Variants in CSNK1A1 observed in about 807,000 individuals in gnomAD.
CSNK1A1 encodes the protein casein kinase 1 alpha 1, also known as casein kinase I isoform alpha.
CSNK1A1 carries 7 observed loss-of-function variants against 46.1 expected under a neutral mutation model. The ratio of observed to expected loss-of-function variants is 0.15; its 90% confidence interval spans 0.09 to 0.29. The LOEUF is 0.29. CSNK1A1 is among the 10% of genes least tolerant of loss of function. CSNK1A1 has a pLI of 1.00. For missense variants in CSNK1A1, 96 were observed against 417.1 expected, an observed-to-expected ratio of 0.23 and a Z score of 6.71; for synonymous variants, 137 against 141.5, an observed-to-expected ratio of 0.97 and a Z score of 0.23.
rs2113055669 is a variant in CSNK1A1 at position 149,502,074 on chromosome 5, T to C, written c.1006+3373A>G. On this transcript the variant is annotated intron_variant, in intron 9 of 9. Transcript: ENST00000377843. ...AAGGAAGGCAGAAGTCTGCCTATTA[T>C]TTAATAGGCCCACATTAGCTAGATA... 7 of 983,972 alleles carry C rather than the reference T, an allele frequency of 7.1e-6. 2 individuals are homozygous for C. In the South Asian group the frequency reaches 3.3e-4, roughly 46 times the overall value. 61.0% of individuals were successfully genotyped at this position (983,972 alleles called of 1,614,324 possible). A position where few individuals can be genotyped will look rare whatever the true frequency, so the allele number is the denominator to read the frequency against.
At position 149,494,511 on chromosome 5, in the gene CSNK1A1, G is replaced by C. The variant is rs1232228860; in HGVS notation, c.*2342C>G. 3.9e-5 allele frequency: 6 copies of C among 152,220 alleles called. No individual in the cohort carries two copies. The East Asian group carries it at 1.2e-3, about 29-fold the overall frequency. The allele number at this position is 152,220 out of a possible 1,614,324, so 9.4% of individuals were successfully genotyped here. A position where few individuals can be genotyped will look rare whatever the true frequency, so the allele number is the denominator to read the frequency against. On this transcript the variant is annotated 3_prime_UTR_variant, in exon 10 of 10. Coordinates refer to ENST00000377843, the MANE Select transcript of CSNK1A1 (RefSeq NM_001892.6). Reference sequence around the variant, plus strand: ...TGAGTAAGCCACTGTGGAGCCTTAAGTGGTGAGGTCTTCCAATTTCAGAGT... The same window carrying C: ...TGAGTAAGCCACTGTGGAGCCTTAACTGGTGAGGTCTTCCAATTTCAGAGT...
intron 2 of CSNK1A1, among the ~76,000 whole-genome samples, chr5:149,542,962 T>C (rs1250210964): frequency 6.6e-6 from 1 of 151,830 alleles, no homozygotes; most frequent in Non-Finnish European, 1.5e-5. Flanking sequence ...CCCAAAGTGC[T>C]GGGATTACAG....
intron 3 of CSNK1A1, among the ~76,000 whole-genome samples, chr5:149,523,198 G>A (rs1394929602): frequency 6.6e-6 from 1 of 151,908 alleles, no homozygotes; most frequent in Admixed American, 6.6e-5. Context: ...CAGCCACCAC[G>A]CCTGGCTAAT....
intron 3 of CSNK1A1, among the ~76,000 whole-genome samples, 185 bp from the exon 4 acceptor site, chr5:149,520,573 C>G (rs1004881279): frequency 9.2e-5 from 14 of 152,190 alleles, no homozygotes; most frequent in Non-Finnish European, 1.9e-4. Context: ...CATATACCTG[C>G]TGTGTCCTTT....
chr5:149,498,631 A>T, intron 9 of CSNK1A1: 1 of 985,388 alleles, frequency 1.0e-6, no homozygotes, highest in Non-Finnish European at 1.2e-6. Context: ...TTCCCCCATC[A>T]GGATTTGGTT....
intron 9 of CSNK1A1, chr5:149,504,389 G>A (rs1214823163): frequency 1.0e-6 from 1 of 978,334 alleles, no homozygotes; most frequent in Admixed American, 6.2e-5. Context: ...CACTAAAAAT[G>A]TGAAGCAAAG....
intron 2 of CSNK1A1, among the ~76,000 whole-genome samples, chr5:149,534,080 G>A (rs935035442): frequency 3.9e-5 from 6 of 152,094 alleles, no homozygotes; most frequent in Admixed American, 3.9e-4. Flanking sequence ...CTTTATGTGG[G>A]TAAATTATAT....
At chr5:149,524,520 C>A (rs577440503) in intron 3 of CSNK1A1, among the ~76,000 whole-genome samples, 13 of 152,234 alleles carry the variant, frequency 8.5e-5, no homozygotes, top group African/African-American at 3.1e-4. Context: ...CAATCTAATT[C>A]ATGACATCAC....
At chr5:149,546,665 T>C (rs1477950089) in intron 2 of CSNK1A1, among the ~76,000 whole-genome samples, 5 of 152,068 alleles carry the variant, frequency 3.3e-5, no homozygotes, top group Admixed American at 6.5e-5. Flanking sequence ...TAGGGAATTT[T>C]GTAACAGAAA....
intron 9 of CSNK1A1, among the ~76,000 whole-genome samples, chr5:149,499,917 T>C (rs1760769391): frequency 6.6e-6 from 1 of 151,524 alleles, no homozygotes; most frequent in Admixed American, 6.6e-5. Flanking sequence ...GCTATGTCAT[T>C]TATACTAACT....
intron 2 of CSNK1A1, among the ~76,000 whole-genome samples, chr5:149,540,469 AT>A: frequency 6.6e-6 from 1 of 152,278 alleles, no homozygotes; most frequent in African/African-American, 2.4e-5. Context: ...TGAATACCAT[AT>A]TTACTACCAT....
chr5:149,502,082 G>A (rs1387916764), intron 9 of CSNK1A1: 1 of 983,670 alleles, frequency 1.0e-6, no homozygotes, highest in Admixed American at 6.2e-5. Flanking sequence ...TATTTAATAG[G>A]CCCACATTAG....
intron 4 of CSNK1A1, among the ~76,000 whole-genome samples, chr5:149,518,643 A>G (rs759025782): frequency 6.6e-5 from 10 of 152,162 alleles, no homozygotes; most frequent in Non-Finnish European, 1.2e-4. Context: ...TGGCCTCTCT[A>G]AAACAGTGTT....
intron 2 of CSNK1A1, among the ~76,000 whole-genome samples, chr5:149,542,651 T>C (rs1368421362): frequency 6.2e-4 from 5 of 8,110 alleles, no homozygotes; most frequent in African/African-American, 2.2e-3. Flanking sequence ...TATATATATA[T>C]ATATATATAT....
intron 3 of CSNK1A1, among the ~76,000 whole-genome samples, chr5:149,524,824 A>G (rs185169354): frequency 6.6e-6 from 1 of 152,350 alleles, no homozygotes; most frequent in East Asian, 1.9e-4. Flanking sequence ...GAAGGAGCAG[A>G]TTGAAAACTA....
chr5:149,544,045 T>C (rs1762386765), intron 2 of CSNK1A1, among the ~76,000 whole-genome samples: 1 of 152,174 alleles, frequency 6.6e-6, no homozygotes, highest in Non-Finnish European at 1.5e-5. Context: ...GGACTAAAAG[T>C]CCTTAGGATC....
intron 9 of CSNK1A1, chr5:149,502,917 C>T (rs1228417467): frequency 8.8e-6 from 5 of 566,904 alleles, no homozygotes; most frequent in African/African-American, 2.1e-5. Flanking sequence ...CATAGGTGCA[C>T]GCCACCACAC....
At chr5:149,501,062 A>C (rs1760841951) in intron 9 of CSNK1A1, 1 of 985,392 alleles carries the variant, frequency 1.0e-6, no homozygotes, top group African/African-American at 1.7e-5. Context: ...TCTGCATTCA[A>C]CACCACTGAG....
intron 4 of CSNK1A1, among the ~76,000 whole-genome samples, chr5:149,518,217 C>A (rs188961000): frequency 0.012 from 1,838 of 151,784 alleles, 26 homozygotes; most frequent in East Asian, 0.039. Flanking sequence ...CCTTCCCCCC[C>A]AAAAAAATAT....
Sources: allele counts gnomAD v4.1 joint callset (sites outside exome capture counted in the v4.1 genomes callset), GRCh38; gene constraint gnomAD v4.1.1; transcripts MANE v1.5; gene names NCBI Gene and HGNC (gene_info 2026-07-23, HGNC 2026-07-21).